CUL2: variants seen among roughly 807,000 people sequenced by gnomAD.
The protein encoded by CUL2 is cullin 2.
CUL2 carries 22 observed loss-of-function variants against 110.2 expected under a neutral mutation model. That is an observed-to-expected ratio of 0.20 (90% CI 0.14 to 0.28). The LOEUF (loss-of-function observed/expected upper bound fraction) is 0.28, where lower values mean the gene tolerates loss of function less well. Ranked by LOEUF, CUL2 falls within the 10% of genes least tolerant of loss-of-function variation. The pLI is 1.00. For missense variants in CUL2, 631 were observed against 905.5 expected, an observed-to-expected ratio of 0.70 and a Z score of 3.89; for synonymous variants, 279 against 293.2, an observed-to-expected ratio of 0.95 and a Z score of 0.49.
intron 1 of CUL2, among the ~76,000 whole-genome samples, chr10:35,104,815 C>T (rs1279959439): frequency 6.6e-6 from 1 of 151,052 alleles, no homozygotes; most frequent in Non-Finnish European, 1.5e-5. Flanking sequence ...CTACAACCTC[C>T]GCCTCCTGGG....
At chr10:35,050,112 G>A (rs2086061407) in intron 5 of CUL2, among the ~76,000 whole-genome samples, 1 of 152,108 alleles carries the variant, frequency 6.6e-6, no homozygotes, top group Non-Finnish European at 1.5e-5. Context: ...CACGAGGTCA[G>A]GAGATCAAGA....
chr10:35,034,231 T>C (rs1038313903), intron 10 of CUL2, among the ~76,000 whole-genome samples: 3 of 152,240 alleles, frequency 2.0e-5, no homozygotes, highest in African/African-American at 7.2e-5. Flanking sequence ...ATGCCCAATG[T>C]CATTGGACAT....
intron 4 of CUL2, 136 bp downstream of exon 4, chr10:35,060,738 G>C: frequency 1.5e-6 from 1 of 685,548 alleles, no homozygotes; most frequent in South Asian, 2.0e-5. Context: ...CCCCACAGCA[G>C]AGAAAAGTCC....
intron 1 of CUL2, among the ~76,000 whole-genome samples, chr10:35,103,324 T>TTA (rs1554871797): frequency 9.3e-5 from 11 of 118,592 alleles, no homozygotes; most frequent in African/African-American, 2.9e-4. Context: ...TTTTTTTTTT[T>TTA]TTTTTTTTAT....
chr10:35,098,800 G>T (rs2087336613), intron 2 of CUL2, among the ~76,000 whole-genome samples: 1 of 152,102 alleles, frequency 6.6e-6, no homozygotes. Context: ...TGGGCACGGT[G>T]GCAGGCGCCT....
At chr10:35,094,764 C>T (rs115599381), upstream of CUL2, among the ~76,000 whole-genome samples, 1,058 of 152,116 alleles carry the variant, frequency 7.0e-3, 19 homozygotes, top group African/African-American at 0.024. Context: ...AAATAATATT[C>T]GTAAAATAGT....
chr10:35,019,815 A>T (rs774194754), intron 17 of CUL2, among the ~76,000 whole-genome samples: 4 of 152,194 alleles, frequency 2.6e-5, no homozygotes, highest in Admixed American at 6.5e-5. Flanking sequence ...ACCAGTAATG[A>T]AACAACTGAT....
At chr10:35,044,902 A>G in intron 6 of CUL2, 34 bp from the exon 7 acceptor site, 6 of 1,506,934 alleles carry the variant, frequency 4.0e-6, no homozygotes, top group African/African-American at 1.4e-5. Context: ...TATTCTTGAG[A>G]ATACAAATTA....
upstream of CUL2, among the ~76,000 whole-genome samples, chr10:35,090,917 C>T (rs1488333543): frequency 2.6e-5 from 4 of 152,246 alleles, no homozygotes. Context: ...TTGCCACACA[C>T]TTCCATGGGC....
intron 4 of CUL2, among the ~76,000 whole-genome samples, chr10:35,058,410 C>G (rs1033337852): frequency 6.6e-6 from 1 of 152,142 alleles, no homozygotes; most frequent in Non-Finnish European, 1.5e-5. Flanking sequence ...GTCACTCATT[C>G]GTAAATTCTT....
In CUL2 at chr10:35,044,651, G is replaced by A. The variant is rs1358840362; in HGVS notation, c.629C>T (p.Pro210Leu). 1.2e-6 allele frequency: 2 copies of A among 1,609,342 alleles called. No individual in the cohort carries two copies. The part of the protein sequence containing the change: ...LKFYQEIFES[P>L]FLTETGEYYK... ...ATACTCTCCTGTTTCAGTCAGAAAG[G>A]GAGACTCAAAAATTTCCTGATAAAA... The change falls in exon 8 of 21, where the codon CCC becomes CTC. Residue 210 changes from proline (P) to leucine (L), a missense_variant. By Grantham distance (98) the Pro-to-Leu change is moderately conservative. Coordinates refer to ENST00000374749, the MANE Select transcript of CUL2 (RefSeq NM_003591.4).
intron 1 of CUL2, among the ~76,000 whole-genome samples, chr10:35,079,986 C>T (rs1392303062): frequency 6.6e-6 from 1 of 152,150 alleles, no homozygotes; most frequent in Non-Finnish European, 1.5e-5. Flanking sequence ...CAGGACAGTG[C>T]AAGATTTCAT....
intron 1 of CUL2, among the ~76,000 whole-genome samples, chr10:35,122,626 T>A (rs1437578084): frequency 6.6e-6 from 1 of 152,176 alleles, no homozygotes; most frequent in Non-Finnish European, 1.5e-5. Context: ...AATATCCTTA[T>A]TTTATTTTAT....
At chr10:35,047,745 G>C (rs547039150) in intron 6 of CUL2, among the ~76,000 whole-genome samples, 2 of 150,458 alleles carry the variant, frequency 1.3e-5, no homozygotes, top group Non-Finnish European at 3.0e-5. Context: ...GGTGAAAACC[G>C]GTCTCTACTA....
chr10:35,123,606 A>G (rs1481267088), intron 1 of CUL2, among the ~76,000 whole-genome samples: 2 of 152,222 alleles, frequency 1.3e-5, no homozygotes, highest in African/African-American at 4.8e-5. Context: ...CCTGAATGAC[A>G]TGAGTAGAAG....
intron 1 of CUL2, among the ~76,000 whole-genome samples, chr10:35,126,311 G>A (rs1177135212): frequency 2.6e-5 from 4 of 152,206 alleles, no homozygotes; most frequent in Non-Finnish European, 5.9e-5. Flanking sequence ...CTAAGAAGCA[G>A]GTGAATTGTC....
intron 16 of CUL2, among the ~76,000 whole-genome samples, chr10:35,027,168 G>A (rs567124687): frequency 7.6e-4 from 110 of 143,966 alleles, no homozygotes; most frequent in Middle Eastern, 3.6e-3. Context: ...TTTTTGAGGC[G>A]GAGTCTCGCT....
intron 1 of CUL2, among the ~76,000 whole-genome samples, chr10:35,077,289 G>A (rs1423473180): frequency 2.9e-4 from 43 of 148,208 alleles, no homozygotes; most frequent in Admixed American, 4.8e-4. Context: ...GCAAGACTCC[G>A]TCTCAAAAAA....
Position 35,010,165 on chromosome 10 carries a change from A to G in CUL2, c.*146T>C. 1 of 597,972 alleles carries G rather than the reference A, an allele frequency of 1.7e-6. No individual in the cohort carries two copies. The allele number at this position is 597,972 out of a possible 1,614,324, so 37.0% of individuals were successfully genotyped here. A position where few individuals can be genotyped will look rare whatever the true frequency, so the allele number is the denominator to read the frequency against. On this transcript the variant is annotated 3_prime_UTR_variant, in exon 21 of 21. Coordinates refer to ENST00000374749, the MANE Select transcript of CUL2 (RefSeq NM_003591.4). ...CTAGGCATTTTCTTTGACGCTCATGACGTGGCACTGGTGATGTTGTAAACA... is the reference window on the plus strand; with the variant it reads ...CTAGGCATTTTCTTTGACGCTCATGGCGTGGCACTGGTGATGTTGTAAACA...
Sources: gnomAD v4.1 joint callset for allele counts (sites outside exome capture counted in the v4.1 genomes callset) on GRCh38, gnomAD v4.1.1 for gene constraint, MANE v1.5 for transcripts, NCBI Gene and HGNC (gene_info 2026-07-23, HGNC 2026-07-21) for gene names.